The following TMEM165 variants were observed in gnomAD, a reference collection of about 807,000 sequenced individuals.
The protein encoded by TMEM165 is transmembrane protein 165.
In TMEM165, 19 loss-of-function variants were observed where a neutral mutation model predicts 30.0. That is an observed-to-expected ratio of 0.63 (90% CI 0.44 to 0.93). TMEM165 has a LOEUF of 0.93. Among genes scored for constraint, TMEM165 ranks in the 40% least tolerant of loss-of-function variants. The probability of loss-of-function intolerance (pLI) is 0.00; values close to 1 mark genes in which losing one functional copy is unlikely to be tolerated. For missense variants in TMEM165, 340 were observed against 417.0 expected, an observed-to-expected ratio of 0.82 and a Z score of 1.61; for synonymous variants, 168 against 162.9, an observed-to-expected ratio of 1.03 and a Z score of -0.24.
At chr4:55,403,576 T>TA (rs78459467) in intron 1 of TMEM165, among the ~76,000 whole-genome samples, 105,312 of 148,432 alleles carry the variant, frequency 0.71, 39,654 homozygotes, top group East Asian at 0.98. Flanking sequence ...CAAGTTTTTT[T>TA]AAAAAAATCT....
intron 1 of TMEM165, among the ~76,000 whole-genome samples, chr4:55,405,377 C>G (rs1017836733): frequency 6.6e-6 from 1 of 152,114 alleles, no homozygotes; most frequent in East Asian, 1.9e-4. Context: ...ATTGAGGACA[C>G]GAAGGCTGTC....
chr4:55,443,489 GAAA>G (rs76130597), intron 3 of TMEM165, among the ~76,000 whole-genome samples: 1 of 128,624 alleles, frequency 7.8e-6, no homozygotes, highest in African/African-American at 2.8e-5. Flanking sequence ...AAAAAAAAAA[GAAA>G]AAAAAAAGCT....
At chr4:55,441,638 C>T (rs1723375179) in intron 3 of TMEM165, among the ~76,000 whole-genome samples, 2 of 152,122 alleles carry the variant, frequency 1.3e-5, no homozygotes. Flanking sequence ...GAATGGAAAA[C>T]CAAACACCAT....
intron 3 of TMEM165, chr4:55,432,946 G>C (rs1161290478): frequency 6.6e-6 from 1 of 152,626 alleles, no homozygotes; most frequent in Non-Finnish European, 1.5e-5. Context: ...CTTATGCTTT[G>C]TTGCTGTCAA....
intron 3 of TMEM165, chr4:55,444,520 T>G (rs1723632646): frequency 2.4e-6 from 3 of 1,264,610 alleles, no homozygotes; most frequent in Non-Finnish European, 3.4e-6. Context: ...TTTATTGAAC[T>G]GAATTGATAA....
chr4:55,450,753 A>G (rs993948422), intron 3 of TMEM165, among the ~76,000 whole-genome samples: 3 of 144,588 alleles, frequency 2.1e-5, no homozygotes, highest in Non-Finnish European at 4.6e-5. Flanking sequence ...TGGGCAAAAG[A>G]GCGAGACTCC....
At chr4:55,440,569 ACAAC>A (rs1723286279) in intron 3 of TMEM165, among the ~76,000 whole-genome samples, 1 of 152,196 alleles carries the variant, frequency 6.6e-6, no homozygotes. Context: ...TATACACTAC[ACAAC>A]CAAATACTTT....
At chr4:55,398,608 G>A (rs1378755198) in intron 1 of TMEM165, among the ~76,000 whole-genome samples, 1 of 152,090 alleles carries the variant, frequency 6.6e-6, no homozygotes, top group African/African-American at 2.4e-5. Flanking sequence ...GAACTTTATT[G>A]TGTATGTTGT....
intron 3 of TMEM165, chr4:55,438,470 C>G: frequency 6.2e-7 from 1 of 1,613,838 alleles, no homozygotes. Flanking sequence ...GTACTAGGTA[C>G]CATGACTGCC....
chr4:55,414,155 A>G (rs1039781132), intron 2 of TMEM165, among the ~76,000 whole-genome samples: 1 of 151,994 alleles, frequency 6.6e-6, no homozygotes, highest in Admixed American at 6.5e-5. Context: ...CTGTAGTCCT[A>G]GCTACTTGGG....
At chr4:55,434,696 A>G (rs776336477) in intron 3 of TMEM165, 1 of 152,744 alleles carries the variant, frequency 6.5e-6, no homozygotes, top group Non-Finnish European at 1.5e-5. Context: ...AAAAGTGAAC[A>G]GAACACTACT....
chr4:55,412,093 G>A (rs1721526883), intron 2 of TMEM165: 1 of 523,456 alleles, frequency 1.9e-6, no homozygotes, highest in African/African-American at 1.9e-5. Flanking sequence ...CTGTTATATT[G>A]TGTAAAGTAA....
At chr4:55,438,206 A>T in intron 3 of TMEM165, 1 of 1,528,506 alleles carries the variant, frequency 6.5e-7, no homozygotes, top group Non-Finnish European at 9.0e-7. Context: ...TCACTCACAA[A>T]TCTGTTCACT....
intron 2 of TMEM165, among the ~76,000 whole-genome samples, chr4:55,413,383 C>T (rs867892782): frequency 3.3e-5 from 5 of 152,028 alleles, no homozygotes; most frequent in Non-Finnish European, 5.9e-5. Context: ...GGCATGATCC[C>T]GACTCACTTA....
chr4:55,450,282 TC>T, intron 3 of TMEM165: 1 of 1,609,444 alleles, frequency 6.2e-7, no homozygotes, highest in East Asian at 2.2e-5. Context: ...AGTTCAGAGA[TC>T]TCAAATTCAC....
At chr4:55,452,212 CA>C (rs1724522285) in intron 3 of TMEM165, 3 of 152,160 alleles carry the variant, frequency 2.0e-5, no homozygotes, top group Non-Finnish European at 2.9e-5. Flanking sequence ...GATTAGGTTA[CA>C]AAAGACTGTG....
intron 1 of TMEM165, among the ~76,000 whole-genome samples, chr4:55,408,809 A>T (rs914114692): frequency 6.6e-6 from 1 of 152,124 alleles, no homozygotes; most frequent in Non-Finnish European, 1.5e-5. Context: ...TAAATGGTGT[A>T]TATTTATTCC....
downstream of TMEM165, chr4:55,430,711 A>T (rs1722440629): frequency 6.6e-6 from 1 of 152,192 alleles, no homozygotes. Flanking sequence ...TAATTCTTGA[A>T]ATTATTATAT....
intron 3 of TMEM165, chr4:55,450,001 A>G: frequency 6.9e-7 from 1 of 1,455,736 alleles, no homozygotes; most frequent in South Asian, 1.2e-5. Flanking sequence ...ATAATTTTAA[A>G]GAAGCGTTTG....
Sources: gnomAD v4.1 joint callset for allele counts (sites outside exome capture counted in the v4.1 genomes callset) on GRCh38, gnomAD v4.1.1 for gene constraint, MANE v1.5 for transcripts, NCBI Gene and HGNC (gene_info 2026-07-23, HGNC 2026-07-21) for gene names.